FBXO11: variants seen among roughly 807,000 people sequenced by gnomAD.
FBXO11 encodes the protein F-box protein 11, also known as F-box only protein 11.
A neutral mutation model predicts 117.0 loss-of-function variants in FBXO11; 13 were observed. The ratio of observed to expected loss-of-function variants is 0.11; its 90% confidence interval spans 0.07 to 0.18. FBXO11 has a LOEUF of 0.18. Ranked by LOEUF, FBXO11 falls within the 10% of genes least tolerant of loss-of-function variation. The pLI is 1.00. For missense variants in FBXO11, 767 were observed against 1,164.4 expected (o/e 0.66, Z 4.97); for synonymous variants, 490 against 380.5 (o/e 1.29, Z -3.35).
At chr2:47,902,392 T>C (rs1463630676) in intron 1 of FBXO11, among the ~76,000 whole-genome samples, 1 of 152,188 alleles carries the variant, frequency 6.6e-6, no homozygotes, top group Non-Finnish European at 1.5e-5. Flanking sequence ...CAATATTTCC[T>C]TACGTGGGGT....
intron 1 of FBXO11, among the ~76,000 whole-genome samples, chr2:47,868,282 C>CAAA (rs371849610): frequency 1.1e-4 from 9 of 80,518 alleles, no homozygotes; most frequent in South Asian, 4.9e-4. Flanking sequence ...ACTCTACCTC[C>CAAA]AAAAAAAAAA....
At position 47,895,214 on chromosome 2, in the gene FBXO11, A is replaced by T. The variant is rs995240391; in HGVS notation, c.232+10275T>A. 2.0e-5 allele frequency among the ~76,000 whole-genome samples: 3 copies of T among 152,240 alleles called. No individual in the cohort carries two copies. The East Asian group carries it at 5.8e-4, about 29-fold the overall frequency. Reference sequence around the variant, plus strand: ...AAAAATAAAAAGGAATGCTCACAGTAGCACTACTCCTGACATCCAAACACA... The same window carrying T: ...AAAAATAAAAAGGAATGCTCACAGTTGCACTACTCCTGACATCCAAACACA... On this transcript the variant is annotated intron_variant, in intron 1 of 22. Transcript: ENST00000403359.
intron 16 of FBXO11, among the ~76,000 whole-genome samples, chr2:47,816,578 T>C (rs535782499): frequency 1.3e-5 from 2 of 152,320 alleles, no homozygotes; most frequent in Non-Finnish European, 2.9e-5. Context: ...TCACTATCTA[T>C]GGCAACTACT....
intron 18 of FBXO11, 132 bp downstream of exon 18, chr2:47,813,102 G>T: frequency 1.0e-6 from 1 of 972,988 alleles, no homozygotes; most frequent in Non-Finnish European, 1.7e-6. Context: ...TCCTAAACCA[G>T]TTCAACTTGA....
intron 18 of FBXO11, chr2:47,811,348 C>T (rs957997645): frequency 6.6e-6 from 1 of 152,348 alleles, no homozygotes; most frequent in African/African-American, 2.4e-5. Flanking sequence ...CTTCAGCCTC[C>T]CAAGCAGCTG....
rs759172545 is a variant in FBXO11, at chr2:47,809,346, CAGAAG to C, written c.2447-85_2447-81del. ...ACCAAAGATTATAGGATTATTCTAA[CAGAAG>C]AGCCACTATTTTTAAGAGCTTTAAA... On this transcript the variant is annotated intron_variant, in intron 20 of 22. Coordinates refer to ENST00000403359, the MANE Select transcript of FBXO11 (RefSeq NM_001190274.2). 4 of 888,584 alleles carry C rather than the reference CAGAAG, an allele frequency of 4.5e-6. No homozygotes were observed. The East Asian group carries it at 1.1e-4, about 24-fold the overall frequency. 55.0% of individuals were successfully genotyped at this position (888,584 alleles called of 1,614,324 possible). A position where few individuals can be genotyped will look rare whatever the true frequency, so the allele number is the denominator to read the frequency against.
At chr2:47,900,194 G>GT (rs1354563073) in intron 1 of FBXO11, among the ~76,000 whole-genome samples, 8 of 152,050 alleles carry the variant, frequency 5.3e-5, no homozygotes, top group Non-Finnish European at 2.9e-5. Flanking sequence ...TATCCCTCAA[G>GT]TAAGTTCCAA....
chr2:47,841,467 C>CA (rs1366897037), intron 1 of FBXO11, among the ~76,000 whole-genome samples: 2 of 152,034 alleles, frequency 1.3e-5, no homozygotes, highest in Non-Finnish European at 1.5e-5. Flanking sequence ...TCTCCTATAC[C>CA]ACTACCTATA....
At chr2:47,864,024 G>A (rs912998444) in intron 1 of FBXO11, among the ~76,000 whole-genome samples, 8 of 152,038 alleles carry the variant, frequency 5.3e-5, no homozygotes, top group African/African-American at 1.9e-4. Context: ...GAACAAAATG[G>A]TAGTCAAGTT....
At chr2:47,832,731 C>T (rs754993621) in intron 9 of FBXO11, 38 bp downstream of exon 9, 116 of 1,607,270 alleles carry the variant, frequency 7.2e-5, no homozygotes, top group Admixed American at 1.2e-4. Flanking sequence ...CATACAGTGA[C>T]TCAAAATTTT....
intron 12 of FBXO11, 49 bp from the exon 13 acceptor site, chr2:47,822,352 T>G: frequency 8.1e-7 from 1 of 1,232,926 alleles, no homozygotes; most frequent in Non-Finnish European, 1.2e-6. Context: ...TCAGCCAAAC[T>G]TACTTGTTTT....
Position 47,820,350 on chromosome 2 carries a change from A to C in FBXO11, c.1797+12T>G, listed in dbSNP as rs1249147792. 2.0e-5 allele frequency: 32 copies of C among 1,606,186 alleles called. No homozygotes were observed. The highest frequency in any genetic ancestry group is 2.6e-5 in the Non-Finnish European group (31 of 1,173,548). The stretch of plus-strand genomic sequence containing the variant: ...TGCATGAGTTTATAGGGAACTATAT[A>C]CATTAACTTACCACATAAATCCCAC... On this transcript the variant is annotated intron_variant, in intron 14 of 22. Transcript: ENST00000403359.
intron 1 of FBXO11, among the ~76,000 whole-genome samples, chr2:47,851,108 G>A (rs1673823502): frequency 6.6e-6 from 1 of 152,166 alleles, no homozygotes; most frequent in Non-Finnish European, 1.5e-5. Context: ...TATGGCCAGA[G>A]TTATCAAATA....
At chr2:47,878,516 C>T (rs902967622) in intron 1 of FBXO11, among the ~76,000 whole-genome samples, 64 of 152,140 alleles carry the variant, frequency 4.2e-4, no homozygotes, top group Middle Eastern at 3.4e-3. Context: ...GCCACTATGC[C>T]GGGCTAATTT....
At chr2:47,835,088 T>C (rs1672448959) in intron 5 of FBXO11, among the ~76,000 whole-genome samples, 1 of 152,232 alleles carries the variant, frequency 6.6e-6, no homozygotes, top group African/African-American at 2.4e-5. Context: ...TCAGCATTAC[T>C]GATATTTTAA....
At chr2:47,867,290 A>C (rs1017430940) in intron 1 of FBXO11, among the ~76,000 whole-genome samples, 6 of 152,138 alleles carry the variant, frequency 3.9e-5, no homozygotes, top group Non-Finnish European at 8.8e-5. Flanking sequence ...TGCTCCATAG[A>C]ATCATCCTCC....
chr2:47,817,018 T>G (rs183801306), intron 16 of FBXO11, among the ~76,000 whole-genome samples: 6 of 152,358 alleles, frequency 3.9e-5, no homozygotes, highest in African/African-American at 1.4e-4. Flanking sequence ...TTCTCCCCTC[T>G]AGCTATGAAT....
chr2:47,847,798 G>A (rs1044871270), intron 1 of FBXO11, among the ~76,000 whole-genome samples: 1 of 152,002 alleles, frequency 6.6e-6, no homozygotes, highest in African/African-American at 2.4e-5. Flanking sequence ...TGTGGTGCGT[G>A]ACTGTGTTAG....
intron 16 of FBXO11, among the ~76,000 whole-genome samples, chr2:47,816,180 T>C (rs1469431144): frequency 6.6e-6 from 1 of 152,100 alleles, no homozygotes; most frequent in East Asian, 1.9e-4. Context: ...AATTTTTTTT[T>C]GTTTTGTTCT....
Sources: allele counts gnomAD v4.1 joint callset (sites outside exome capture counted in the v4.1 genomes callset), GRCh38; gene constraint gnomAD v4.1.1; transcripts MANE v1.5; gene names NCBI Gene and HGNC (gene_info 2026-07-23, HGNC 2026-07-21).